Variants in CNMD observed in about 807,000 individuals in gnomAD.
CNMD encodes the protein chondromodulin, also known as leukocyte cell-derived chemotaxin 1.
CNMD carries 30 observed loss-of-function variants against 37.5 expected under a neutral mutation model. That is an observed-to-expected ratio of 0.80 (90% CI 0.60 to 1.09). CNMD has a LOEUF of 1.09. Ranked by LOEUF, CNMD falls within the 50% of genes least tolerant of loss-of-function variation. CNMD has a pLI of 0.00. For synonymous variants in CNMD, 167 were observed against 148.2 expected (o/e 1.13, Z -0.92); for missense variants, 398 against 423.9 (o/e 0.94, Z 0.54).
intron 6 of CNMD, among the ~76,000 whole-genome samples, chr13:52,705,468 C>T (rs1964159092): frequency 6.6e-6 from 1 of 152,142 alleles, no homozygotes; most frequent in African/African-American, 2.4e-5. Flanking sequence ...CAGACTCACT[C>T]TGTTCTTTAC....
chr13:52,724,032 C>T lies in CNMD; in HGVS notation c.433G>A (p.Gly145Ser). ...GAGATGCTCTGTTTGGTCACGGCGCCCACCTCAGGAATACGAGCCTTCACT... is the reference window on the plus strand; with the variant it reads ...GAGATGCTCTGTTTGGTCACGGCGCTCACCTCAGGAATACGAGCCTTCACT... ...AQVKARIPEV[G>S]AVTKQSISSK... is the part of the protein sequence containing the mutation. The change falls in exon 4 of 7, where the codon GGC becomes AGC. Residue 145 changes from glycine (G) to serine (S), a missense_variant. Physicochemically the swap from Gly to Ser is moderately conservative, Grantham distance 56. Transcript: ENST00000377962. 6.2e-6 allele frequency: 10 copies of T among 1,613,988 alleles called. No individual in the cohort carries two copies. Among genetic ancestry groups the T allele is most frequent in the Non-Finnish European group, 7.6e-6 (9 of 1,179,890 alleles).
chr13:52,725,873 A>G (rs1964562966), intron 3 of CNMD, among the ~76,000 whole-genome samples: 1 of 152,198 alleles, frequency 6.6e-6, no homozygotes. Context: ...GGAGGGGATT[A>G]ATGGATAGCT....
rs1964113835 is a variant in CNMD at position 52,703,315 on chromosome 13, T to TA, written c.*279dup. 2 of 303,636 alleles carry TA rather than the reference T, an allele frequency of 6.6e-6. No individual in the cohort carries two copies. Among genetic ancestry groups the TA allele is most frequent in the Admixed American group, 4.6e-5 (1 of 21,578 alleles). The allele number at this position is 303,636 out of a possible 1,614,324, so 18.8% of individuals were successfully genotyped here. On this transcript the variant is annotated 3_prime_UTR_variant, in exon 7 of 7. Coordinates refer to ENST00000377962, the MANE Select transcript of CNMD (RefSeq NM_007015.3). ...TTTATTTCAAAATAGCTTTGGAAGA[T>TA]ACAAGCAAGGGAAGACTTATGGCAA...
At chr13:52,703,919 A>G in intron 6 of CNMD, 109 bp from the exon 7 acceptor site, 1 of 884,328 alleles carries the variant, frequency 1.1e-6, no homozygotes, top group Non-Finnish European at 1.8e-6. Flanking sequence ...AGGAAGGTGT[A>G]ATCTGTAAAG....
intron 2 of CNMD, among the ~76,000 whole-genome samples, chr13:52,736,198 G>T (rs1439315883): frequency 1.3e-5 from 2 of 152,330 alleles, no homozygotes; most frequent in East Asian, 3.9e-4. Context: ...GTTTCACTGT[G>T]TTAGCCAGGA....
intron 4 of CNMD, among the ~76,000 whole-genome samples, chr13:52,719,422 T>TCACC (rs1964444184): frequency 8.4e-6 from 1 of 119,466 alleles, no homozygotes; most frequent in African/African-American, 3.0e-5. Context: ...TTCATAGTGT[T>TCACC]GATGGTCTTT....
chr13:52,723,701 A>AG (rs1251625962), intron 4 of CNMD, among the ~76,000 whole-genome samples: 2 of 152,050 alleles, frequency 1.3e-5, no homozygotes, highest in Non-Finnish European at 2.9e-5. Context: ...AGGCCGAGGC[A>AG]GGCAGGTCAC....
intron 5 of CNMD, among the ~76,000 whole-genome samples, chr13:52,710,156 G>T (rs1964268848): frequency 6.6e-6 from 1 of 152,192 alleles, no homozygotes; most frequent in South Asian, 2.1e-4. Flanking sequence ...AGGTGATGAG[G>T]ATTATATCAT....
intron 4 of CNMD, among the ~76,000 whole-genome samples, chr13:52,716,431 T>C (rs532085921): frequency 6.6e-6 from 1 of 152,352 alleles, no homozygotes; most frequent in East Asian, 1.9e-4. Context: ...CCCATGCCTA[T>C]GTCCTGAATG....
At chr13:52,703,894 A>G (rs1964131955) in intron 6 of CNMD, 84 bp from the exon 7 acceptor site, 6 of 1,171,846 alleles carry the variant, frequency 5.1e-6, no homozygotes, top group Non-Finnish European at 7.4e-6. Context: ...AAGATTCTGA[A>G]TTTTTCACTG....
intron 3 of CNMD, among the ~76,000 whole-genome samples, chr13:52,728,881 C>T (rs921074155): frequency 1.3e-5 from 2 of 152,088 alleles, no homozygotes; most frequent in Non-Finnish European, 1.5e-5. Flanking sequence ...ATATTAACTA[C>T]CGTGTCTAGC....
chr13:52,703,910 G>T, intron 6 of CNMD, 100 bp from the exon 7 acceptor site: 1 of 982,618 alleles, frequency 1.0e-6, no homozygotes, highest in Non-Finnish European at 1.5e-6. Flanking sequence ...CACTGCTACA[G>T]GAAGGTGTAA....
chr13:52,738,369 GAA>G (rs1964810451), intron 2 of CNMD, among the ~76,000 whole-genome samples: 1 of 152,156 alleles, frequency 6.6e-6, no homozygotes, highest in African/African-American at 2.4e-5. Flanking sequence ...TGCATACAAA[GAA>G]AGTAGGACAG....
At chr13:52,733,459 A>T (rs1305426319) in intron 2 of CNMD, 100 bp from the exon 3 acceptor site, 2 of 957,798 alleles carry the variant, frequency 2.1e-6, no homozygotes, top group Non-Finnish European at 3.4e-6. Context: ...TATGTTTCAG[A>T]GATACATGAG....
intron 3 of CNMD, among the ~76,000 whole-genome samples, chr13:52,727,074 T>C (rs1313727898): frequency 3.3e-5 from 5 of 152,060 alleles, no homozygotes; most frequent in Admixed American, 6.6e-5. Flanking sequence ...GAGACCAGCC[T>C]GGCCAACTAT....
chr13:52,735,813 C>T (rs1964748866), intron 2 of CNMD, among the ~76,000 whole-genome samples: 2 of 149,792 alleles, frequency 1.3e-5, no homozygotes, highest in African/African-American at 2.4e-5. Context: ...CTTGGTTGTG[C>T]AGCTGCGGCC....
intron 4 of CNMD, among the ~76,000 whole-genome samples, chr13:52,723,254 G>A (rs1207081170): frequency 2.0e-5 from 3 of 152,222 alleles, no homozygotes; most frequent in Non-Finnish European, 2.9e-5. Flanking sequence ...ACCATGGCCA[G>A]CTAATTTTTT....
chr13:52,724,178 T>G (rs2138254372), intron 3 of CNMD, 68 bp from the exon 4 acceptor site: 1 of 1,194,912 alleles, frequency 8.4e-7, no homozygotes, highest in East Asian at 2.4e-5. Context: ...GAGTGTCTAC[T>G]GTGTTCCAGA....
intron 6 of CNMD, among the ~76,000 whole-genome samples, 200 bp downstream of exon 6, chr13:52,708,336 C>T (rs61959653): frequency 0.036 from 5,431 of 152,082 alleles, 128 homozygotes; most frequent in South Asian, 0.064. Flanking sequence ...CGTGTGCCAC[C>T]ATGCCTGGCT....
Sources: gnomAD v4.1 joint callset for allele counts (sites outside exome capture counted in the v4.1 genomes callset) on GRCh38, gnomAD v4.1.1 for gene constraint, MANE v1.5 for transcripts, NCBI Gene and HGNC (gene_info 2026-07-23, HGNC 2026-07-21) for gene names.